Variants in CFAP61 observed in about 807,000 individuals in gnomAD.
CFAP61 encodes cilia and flagella associated protein 61.
Under a neutral mutation model 135.6 loss-of-function variants are expected in CFAP61, and 107 were observed. That is an observed-to-expected ratio of 0.79 (90% CI 0.67 to 0.93). The LOEUF is 0.93. Ranked by LOEUF, CFAP61 falls within the 40% of genes least tolerant of loss-of-function variation. The probability of loss-of-function intolerance (pLI) is 0.00; values close to 1 mark genes in which losing one functional copy is unlikely to be tolerated. For synonymous variants in CFAP61, 575 were observed against 578.5 expected (o/e 0.99, Z 0.09); for missense variants, 1,507 against 1,556.2 (o/e 0.97, Z 0.53).
chr20:20,258,313 TA>T (rs2051825710), intron 20 of CFAP61: 1 of 152,156 alleles, frequency 6.6e-6, no homozygotes, highest in Non-Finnish European at 1.5e-5. Context: ...TGATCAAGGG[TA>T]AAATCCATGA....
At position 20,360,535 on chromosome 20, in the gene CFAP61, A is replaced by ACTCCT; in HGVS notation, c.*125_*126insCTCCT. 1 of 791,160 alleles carries ACTCCT rather than the reference A, an allele frequency of 1.3e-6. No individual in the cohort carries two copies. Among genetic ancestry groups the ACTCCT allele is most frequent in the Non-Finnish European group, 2.0e-6 (1 of 493,040 alleles). 49.0% of individuals were successfully genotyped at this position (791,160 alleles called of 1,614,324 possible). Reference sequence around the variant, plus strand: ...AAGCCAGCCCCTGGTGGTTTTGTTCATTCCTTTCCTTCCCTGACTTATGCC... The same window carrying ACTCCT: ...AAGCCAGCCCCTGGTGGTTTTGTTCACTCCTTTCCTTTCCTTCCCTGACTTATGCC... On this transcript the variant is annotated 3_prime_UTR_variant, in exon 27 of 27. Transcript: ENST00000245957.
chr20:20,159,542 T>C (rs1601059338), intron 10 of CFAP61, 98 bp downstream of exon 10: 1 of 1,034,556 alleles, frequency 9.7e-7, no homozygotes. Flanking sequence ...CCTCCCAATC[T>C]CCCTGCCTGT....
At chr20:20,279,610 G>GA (rs561414336) in intron 22 of CFAP61, among the ~76,000 whole-genome samples, 230 of 152,054 alleles carry the variant, frequency 1.5e-3, no homozygotes, top group African/African-American at 5.1e-3. Flanking sequence ...GGCAGAGGCA[G>GA]AAAAAAAATC....
chr20:20,303,060 A>G (rs971137304), intron 25 of CFAP61, among the ~76,000 whole-genome samples: 1 of 152,182 alleles, frequency 6.6e-6, no homozygotes, highest in Non-Finnish European at 1.5e-5. Context: ...AAATGAATTC[A>G]TTTGCTCCTT....
intron 11 of CFAP61, 60 bp from the exon 12 acceptor site, chr20:20,166,337 C>T (rs1601111495): frequency 2.6e-5 from 36 of 1,401,004 alleles, no homozygotes; most frequent in African/African-American, 5.7e-5. Flanking sequence ...TCTCTGTAAA[C>T]GTCCACTGAT....
intron 25 of CFAP61, among the ~76,000 whole-genome samples, chr20:20,335,853 G>A (rs2058168083): frequency 6.6e-6 from 1 of 152,222 alleles, no homozygotes; most frequent in Admixed American, 6.5e-5. Flanking sequence ...TCGGGAAAAA[G>A]CATAAGGAAA....
rs1235072143 is a variant in CFAP61, at chr20:20,196,782, A to T, written c.1797+6A>T. ...CAAAATCCAGAGAAGGCAAGGTAAGAGAATGGTGCAATTCACTTTCCCAGC... is the reference window on the plus strand; with the variant it reads ...CAAAATCCAGAGAAGGCAAGGTAAGTGAATGGTGCAATTCACTTTCCCAGC... On this transcript the variant is annotated splice_donor_region_variant and intron_variant, in intron 16 of 26. Transcript: ENST00000245957. 6.8e-6 allele frequency: 11 copies of T among 1,610,528 alleles called. No individual in the cohort carries two copies. In the Admixed American group the frequency reaches 1.0e-4, roughly 15 times the overall value.
chr20:20,304,093 G>C (rs928579845), intron 25 of CFAP61, among the ~76,000 whole-genome samples: 3 of 152,110 alleles, frequency 2.0e-5, no homozygotes, highest in Non-Finnish European at 4.4e-5. Context: ...GGTGGCGGCC[G>C]AGCTGTCAGC....
intron 2 of CFAP61, among the ~76,000 whole-genome samples, chr20:20,067,468 C>A (rs2045358355): frequency 6.6e-6 from 1 of 151,424 alleles, no homozygotes; most frequent in African/African-American, 2.4e-5. Flanking sequence ...ATGGTGAAAC[C>A]TTGTCTCTAC....
rs760689597 is a variant in CFAP61, at chr20:20,298,227, G to C, written c.3263G>C (p.Arg1088Pro). ...TGSAKNGTYF[R>P]IHINKYKMVE... is the part of the protein sequence containing the mutation. ...AGTGCGAAAAATGGGACTTACTTCC[G>C]AATTCATATTAACAAGTATAAAATG... Residue 1088 changes from arginine (R) to proline (P), a missense_variant, in exon 25 of 27, where the codon CGA becomes CCA. Coordinates refer to ENST00000245957, the MANE Select transcript of CFAP61 (RefSeq NM_015585.4). 6.2e-7 allele frequency: 1 copy of C among 1,614,072 alleles called. No individual in the cohort carries two copies. The highest frequency in any genetic ancestry group is 1.1e-5 in the South Asian group (1 of 91,080).
intron 25 of CFAP61, among the ~76,000 whole-genome samples, chr20:20,341,213 T>C (rs2058433610): frequency 6.6e-6 from 1 of 152,172 alleles, no homozygotes; most frequent in Non-Finnish European, 1.5e-5. Context: ...TTCTTGGTTA[T>C]TCCAAAAATG....
chr20:20,131,584 T>A (rs1033487365), intron 8 of CFAP61, among the ~76,000 whole-genome samples: 1 of 152,110 alleles, frequency 6.6e-6, no homozygotes, highest in African/African-American at 2.4e-5. Context: ...AAAAATCAAC[T>A]TTTGGCTTGT....
At chr20:20,200,349 C>A (rs1399819606) in intron 17 of CFAP61, among the ~76,000 whole-genome samples, 3 of 152,044 alleles carry the variant, frequency 2.0e-5, no homozygotes, top group African/African-American at 7.2e-5. Flanking sequence ...GGGTCCTAAG[C>A]TGGTTTGTTT....
At chr20:20,268,420 G>C (rs545940639) in intron 21 of CFAP61, among the ~76,000 whole-genome samples, 1 of 152,178 alleles carries the variant, frequency 6.6e-6, no homozygotes, top group South Asian at 2.1e-4. Context: ...GCTCTCCTTT[G>C]AACTTCTACC....
intron 26 of CFAP61, among the ~76,000 whole-genome samples, chr20:20,356,976 CTGGGGAGGTGGTCACACTG>C (rs2059217249): frequency 9.2e-5 from 4 of 43,700 alleles, no homozygotes; most frequent in African/African-American, 2.7e-4. Context: ...GGTGGTCACA[CTGGGGAGGTGGTCACACTG>C]TGAGGGGAGG....
chr20:20,170,376 A>G (rs2054137031), intron 13 of CFAP61, among the ~76,000 whole-genome samples: 1 of 149,936 alleles, frequency 6.7e-6, no homozygotes, highest in Non-Finnish European at 1.5e-5. Context: ...AGGTGGATGT[A>G]TTTAATATAT....
At position 20,200,166 on chromosome 20, in the gene CFAP61, G is replaced by A. The variant is rs9941737; in HGVS notation, c.1932+264G>A. The stretch of plus-strand genomic sequence containing the variant: ...TACCTCTCAGGCTGCTGTGTCCCAG[G>A]ACAAAAGGCCTAGAGTCATCCTCCA... On this transcript the variant is annotated intron_variant, in intron 17 of 26. Transcript: ENST00000245957. Among the ~76,000 whole-genome samples the A allele has an allele frequency of 8.6e-3, 1,305 of 152,300 alleles. 17 individuals are homozygous for A. Among genetic ancestry groups the A allele is most frequent in the African/African-American group, 0.03 (1,251 of 41,572 alleles).
chr20:20,269,152 C>T lies in CFAP61; in HGVS notation c.2503+6022C>T, dbSNP rs898523273. Among the ~76,000 whole-genome samples, 273 of 89,472 alleles carry T rather than the reference C, an allele frequency of 3.1e-3. 6 individuals carry two copies. Among genetic ancestry groups the T allele is most frequent in the African/African-American group, 9.2e-3 (250 of 27,096 alleles). 58.7% of individuals were successfully genotyped at this position (89,472 alleles called of 152,430 possible). On this transcript the variant is annotated intron_variant, in intron 21 of 26. Coordinates refer to ENST00000245957, the MANE Select transcript of CFAP61 (RefSeq NM_015585.4). ...ATATATATATATATATATATACACA[C>T]ACACACACACACATACATATATGTA...
In CFAP61 at chr20:20,188,048, A is replaced by C. The variant is rs1306028954; in HGVS notation, c.1504A>C (p.Lys502Gln). The C allele has an allele frequency of 1.2e-6, 2 of 1,614,086 alleles. No homozygotes were observed. The highest frequency in any genetic ancestry group is 2.7e-5 in the African/African-American group (2 of 74,942). ...EDLDRYNKAR[K>Q]DPDGTLLQAF... is the part of the protein sequence containing the mutation. ...CTTAGACCGTTACAACAAGGCTCGC[A>C]AAGACCCTGTAAGTACCTGTTGTGA... Residue 502 changes from lysine to glutamine, a missense_variant, in exon 14 of 27, where the codon AAA becomes CAA. By Grantham distance (53) the Lys-to-Gln change is moderately conservative. Coordinates refer to ENST00000245957, the MANE Select transcript of CFAP61 (RefSeq NM_015585.4).
Sources: allele counts gnomAD v4.1 joint callset (sites outside exome capture counted in the v4.1 genomes callset), GRCh38; gene constraint gnomAD v4.1.1; transcripts MANE v1.5; gene names NCBI Gene and HGNC (gene_info 2026-07-23, HGNC 2026-07-21).